Variants in CSMD1 observed in about 807,000 individuals in gnomAD.
The protein encoded by CSMD1 is CUB and sushi domain-containing protein 1.
In CSMD1, 213 loss-of-function variants were observed where a neutral mutation model predicts 417.5. That is an observed-to-expected ratio of 0.51 (90% CI 0.46 to 0.57). The LOEUF is 0.57. CSMD1 is among the 20% of genes least tolerant of loss of function. The probability of loss-of-function intolerance (pLI) is 0.00; values close to 1 mark genes in which losing one functional copy is unlikely to be tolerated. For synonymous variants in CSMD1, 2,862 were observed against 1,736.8 expected (o/e 1.65, Z -16.11); for missense variants, 6,923 against 4,529.7 (o/e 1.53, Z -15.17).
At chr8:4,336,830 A>G (rs1428664444) in intron 3 of CSMD1, among the ~76,000 whole-genome samples, 1 of 152,092 alleles carries the variant, frequency 6.6e-6, no homozygotes, top group African/African-American at 2.4e-5. Flanking sequence ...TAGAGATGGA[A>G]TGAAGATGGG....
intron 23 of CSMD1, among the ~76,000 whole-genome samples, chr8:3,318,509 G>C (rs544164545): frequency 4.6e-5 from 7 of 152,010 alleles, no homozygotes; most frequent in African/African-American, 1.4e-4. Flanking sequence ...ACATATAAAA[G>C]TTAACATATT....
chr8:4,441,931 A>C (rs1353357852), intron 2 of CSMD1, among the ~76,000 whole-genome samples: 2 of 152,232 alleles, frequency 1.3e-5, no homozygotes, highest in Non-Finnish European at 2.9e-5. Context: ...TCAGCTTCTT[A>C]CATAACCATT....
At chr8:4,097,592 G>T (rs909182194) in intron 3 of CSMD1, among the ~76,000 whole-genome samples, 1 of 152,196 alleles carries the variant, frequency 6.6e-6, no homozygotes, top group South Asian at 2.1e-4. Flanking sequence ...GTAACACCCA[G>T]ATTGATTAGC....
chr8:4,710,248 T>A (rs1563192272), intron 1 of CSMD1, among the ~76,000 whole-genome samples: 1 of 151,980 alleles, frequency 6.6e-6, no homozygotes, highest in Admixed American at 6.6e-5. Context: ...ATGAAATACA[T>A]ATATTTATAC....
intron 2 of CSMD1, 32 bp downstream of exon 2, chr8:4,637,310 G>T: frequency 6.8e-7 from 1 of 1,479,950 alleles, no homozygotes; most frequent in Non-Finnish European, 9.4e-7. Context: ...TTCAAACAGT[G>T]CTAACTGTAA....
intron 3 of CSMD1, among the ~76,000 whole-genome samples, chr8:4,310,033 G>A (rs1290035674): frequency 1.3e-5 from 2 of 152,118 alleles, no homozygotes; most frequent in Non-Finnish European, 2.9e-5. Context: ...AAAAGCCTTA[G>A]AAGACAGAGG....
intron 3 of CSMD1, among the ~76,000 whole-genome samples, chr8:4,390,730 G>T (rs1260984372): frequency 1.3e-5 from 2 of 151,520 alleles, no homozygotes; most frequent in African/African-American, 4.9e-5. Flanking sequence ...AGCCAGGATG[G>T]TCTCGATCTT....
At chr8:4,883,246 A>G (rs935565916) in intron 1 of CSMD1, among the ~76,000 whole-genome samples, 4 of 152,136 alleles carry the variant, frequency 2.6e-5, no homozygotes, top group African/African-American at 9.7e-5. Flanking sequence ...CAAGGATCAG[A>G]TAAGAGAATG....
At chr8:4,030,606 G>A (rs547201650) in intron 4 of CSMD1, among the ~76,000 whole-genome samples, 4 of 152,124 alleles carry the variant, frequency 2.6e-5, no homozygotes, top group Non-Finnish European at 4.4e-5. Flanking sequence ...TGATGGGAGG[G>A]GTTGCTGTGA....
intron 26 of CSMD1, among the ~76,000 whole-genome samples, chr8:3,259,764 C>T (rs1304096205): frequency 6.6e-6 from 1 of 152,136 alleles, no homozygotes; most frequent in Admixed American, 6.5e-5. Flanking sequence ...CATGAGTTGG[C>T]AAACTGTATA....
intron 11 of CSMD1, among the ~76,000 whole-genome samples, chr8:3,470,761 A>T (rs1817046457): frequency 6.6e-6 from 1 of 152,198 alleles, no homozygotes; most frequent in Non-Finnish European, 1.5e-5. Context: ...AAAATCATAC[A>T]AATGAAATCA....
intron 10 of CSMD1, among the ~76,000 whole-genome samples, chr8:3,517,056 C>A (rs776827128): frequency 2.0e-5 from 3 of 152,150 alleles, no homozygotes; most frequent in Admixed American, 6.5e-5. Flanking sequence ...CAAGGGGACA[C>A]TGGAACCGAC....
chr8:3,939,126 A>C (rs185700890), intron 5 of CSMD1, among the ~76,000 whole-genome samples: 2 of 152,124 alleles, frequency 1.3e-5, no homozygotes, highest in Non-Finnish European at 2.9e-5. Flanking sequence ...ATTACAGAAA[A>C]ACTGTTCTTG....
intron 49 of CSMD1, among the ~76,000 whole-genome samples, chr8:3,069,536 C>T (rs1184692756): frequency 6.6e-6 from 1 of 152,198 alleles, no homozygotes; most frequent in African/African-American, 2.4e-5. Flanking sequence ...AAATAACTTC[C>T]TTTGACTCTG....
intron 3 of CSMD1, among the ~76,000 whole-genome samples, chr8:4,172,220 C>G (rs1344006322): frequency 1.3e-5 from 2 of 151,950 alleles, no homozygotes; most frequent in African/African-American, 4.8e-5. Context: ...AACACTGGAC[C>G]AAGAGAATAG....
chr8:3,939,938 C>T (rs534998746), intron 5 of CSMD1, among the ~76,000 whole-genome samples: 87 of 151,776 alleles, frequency 5.7e-4, no homozygotes, highest in African/African-American at 2.0e-3. Flanking sequence ...ACAGGTGCAC[C>T]GAATCTCAGA....
At chr8:3,347,946 T>C in intron 22 of CSMD1, 46 bp downstream of exon 22, 1 of 1,390,494 alleles carries the variant, frequency 7.2e-7, no homozygotes, top group East Asian at 2.5e-5. Flanking sequence ...ATGTATTTTT[T>C]GAGAAGAAAA....
chr8:4,910,222 T>C (rs1805571038), intron 1 of CSMD1, among the ~76,000 whole-genome samples: 2 of 152,202 alleles, frequency 1.3e-5, no homozygotes, highest in Admixed American at 1.3e-4. Flanking sequence ...TTATTATTCA[T>C]CTTGGGAAAT....
intron 2 of CSMD1, among the ~76,000 whole-genome samples, chr8:4,603,668 T>G (rs1471875135): frequency 6.6e-6 from 1 of 152,132 alleles, no homozygotes; most frequent in African/African-American, 2.4e-5. Context: ...GACGTGGGTT[T>G]CTGTCACATT....
Sources: allele counts gnomAD v4.1 joint callset (sites outside exome capture counted in the v4.1 genomes callset), GRCh38; gene constraint gnomAD v4.1.1; transcripts MANE v1.5; gene names NCBI Gene and HGNC (gene_info 2026-07-23, HGNC 2026-07-21).